Variants in DENND1A observed in about 807,000 individuals in gnomAD.
DENND1A encodes DENN domain-containing protein 1A.
In DENND1A, 51 loss-of-function variants were observed where a neutral mutation model predicts 113.7. That is an observed-to-expected ratio of 0.45 (90% CI 0.36 to 0.57). The LOEUF is 0.57. DENND1A is among the 20% of genes least tolerant of loss of function. The probability of loss-of-function intolerance (pLI) is 0.00; values close to 1 mark genes in which losing one functional copy is unlikely to be tolerated. For missense variants in DENND1A, 1,258 were observed against 1,395.9 expected, an observed-to-expected ratio of 0.90 and a Z score of 1.57; for synonymous variants, 565 against 570.8, an observed-to-expected ratio of 0.99 and a Z score of 0.14.
At chr9:123,666,439 A>G (rs2063496011) in intron 8 of DENND1A, among the ~76,000 whole-genome samples, 1 of 152,204 alleles carries the variant, frequency 6.6e-6, no homozygotes, top group African/African-American at 2.4e-5. Flanking sequence ...GGAGGCCCTC[A>G]TGCTTCACCC....
chr9:123,630,493 C>T lies in DENND1A; in HGVS notation c.619-17G>A. ...GGCAGTCAGCTGGAACAGAGCAAAG[C>T]AGAGATCAATGAACAAATCCAAGGG... On this transcript the variant is annotated splice_polypyrimidine_tract_variant and intron_variant, in intron 9 of 23. Coordinates refer to ENST00000394215, the MANE Select transcript of DENND1A (RefSeq NM_001352964.2). 1.3e-6 allele frequency: 2 copies of T among 1,527,660 alleles called. No homozygotes were observed. Among genetic ancestry groups the T allele is most frequent in the African/African-American group, 1.4e-5 (1 of 73,130 alleles). The allele number at this position is 1,527,660 out of a possible 1,614,324, so 94.6% of individuals were successfully genotyped here. A position where few individuals can be genotyped will look rare whatever the true frequency, so the allele number is the denominator to read the frequency against.
At chr9:123,602,644 G>A (rs1450012742) in intron 11 of DENND1A, among the ~76,000 whole-genome samples, 1 of 152,194 alleles carries the variant, frequency 6.6e-6, no homozygotes, top group Non-Finnish European at 1.5e-5. Context: ...ACTATCAGGT[G>A]AGATTTTTCA....
chr9:123,465,308 ATTTTTTTT>A (rs60428558), intron 13 of DENND1A, among the ~76,000 whole-genome samples: 101 of 80,094 alleles, frequency 1.3e-3, no homozygotes, highest in Middle Eastern at 5.3e-3. Context: ...TTTGTCTTTG[ATTTTTTTT>A]TTTTTTTTTT....
At chr9:123,904,164 G>C (rs1418604203) in intron 1 of DENND1A, among the ~76,000 whole-genome samples, 3 of 152,290 alleles carry the variant, frequency 2.0e-5, no homozygotes, top group South Asian at 2.1e-4. Flanking sequence ...TGAGGGTCCT[G>C]TCTGTTAGAA....
intron 2 of DENND1A, among the ~76,000 whole-genome samples, chr9:123,845,749 T>TAAACAAAC (rs200824974): frequency 8.4e-6 from 1 of 118,644 alleles, no homozygotes; most frequent in Non-Finnish European, 1.9e-5. Context: ...TAAAACCTAA[T>TAAACAAAC]AAACAAACAA....
At chr9:123,516,450 T>C (rs112370153) in intron 13 of DENND1A, among the ~76,000 whole-genome samples, 42 of 152,218 alleles carry the variant, frequency 2.8e-4, no homozygotes, top group Non-Finnish European at 5.7e-4. Context: ...CAAATAAACA[T>C]GAATAACAGT....
chr9:123,536,868 G>A (rs2055823129), intron 13 of DENND1A, among the ~76,000 whole-genome samples: 1 of 152,124 alleles, frequency 6.6e-6, no homozygotes, highest in Non-Finnish European at 1.5e-5. Flanking sequence ...AACAACAGAA[G>A]AGCTGTTAAC....
intron 13 of DENND1A, among the ~76,000 whole-genome samples, chr9:123,544,313 T>C (rs1013146946): frequency 2.6e-5 from 4 of 152,212 alleles, no homozygotes; most frequent in South Asian, 2.1e-4. Flanking sequence ...AAATTATCTA[T>C]TAAAGGAATG....
At chr9:123,754,703 C>A (rs1296297603) in intron 5 of DENND1A, among the ~76,000 whole-genome samples, 1 of 152,198 alleles carries the variant, frequency 6.6e-6, no homozygotes, top group East Asian at 1.9e-4. Context: ...CCGAATTTTT[C>A]TCCATAGTTC....
chr9:123,384,396 G>C (rs1052953070), intron 22 of DENND1A, among the ~76,000 whole-genome samples: 3 of 152,354 alleles, frequency 2.0e-5, no homozygotes, highest in Non-Finnish European at 4.4e-5. Flanking sequence ...CAGGGGAGCT[G>C]TCTGGGCCTA....
rs1285963938 is a variant in DENND1A, at chr9:123,381,494, C to G, written c.3151G>C (p.Ala1051Pro). Residue 1051 changes from alanine to proline, a missense_variant, in exon 24 of 24, where the codon GCC (alanine) becomes CCC (proline). This residue lies in a region of DENND1A where 1,159 missense variants were observed against 1,231.7 expected (regional missense o/e 0.94). Transcript: ENST00000394215. The surrounding 1 kb of genome is among the most constrained non-coding windows in gnomAD (Gnocchi z 4.7). ...ACCGAGTCTGGGGCCGGGGCCAGGG[C>G]CGGACTCGGGCTCACGTCTTGCTTG... ...KTKQDVSPSPALAPAPDSVEQ... is the reference protein window; with the variant it reads ...KTKQDVSPSPPLAPAPDSVEQ... The G allele has an allele frequency of 6.2e-7, 1 of 1,613,564 alleles. No individual in the cohort carries two copies. Among genetic ancestry groups the G allele is most frequent in the African/African-American group, 1.3e-5 (1 of 75,006 alleles).
rs1159142136 is a variant in DENND1A, at chr9:123,682,578, CA to C, written c.303-5790del. Reference sequence around the variant, plus strand: ...CCTATTAAAACAAAACAGAACAAAACAAAAAAACCTCCTCCCCAATGTTAAA... The same window carrying C: ...CCTATTAAAACAAAACAGAACAAAACAAAAAACCTCCTCCCCAATGTTAAA... On this transcript the variant is annotated intron_variant, in intron 5 of 23. Transcript: ENST00000394215. 4.6e-5 allele frequency among the ~76,000 whole-genome samples: 7 copies of C among 152,130 alleles called. No homozygotes were observed. In the East Asian group the frequency reaches 1.4e-3, roughly 29 times the overall value.
intron 5 of DENND1A, among the ~76,000 whole-genome samples, chr9:123,693,159 G>C (rs899954687): frequency 1.3e-5 from 2 of 151,988 alleles, no homozygotes; most frequent in African/African-American, 4.8e-5. Flanking sequence ...ACCACCACCC[G>C]CAATGAATCC....
intron 5 of DENND1A, among the ~76,000 whole-genome samples, chr9:123,755,010 AC>A (rs977751639): frequency 1.3e-5 from 2 of 152,050 alleles, no homozygotes; most frequent in Admixed American, 1.3e-4. Flanking sequence ...ATAGAGAAAA[AC>A]CTTTTTGCAA....
intron 5 of DENND1A, among the ~76,000 whole-genome samples, chr9:123,748,827 G>A (rs1397912253): frequency 6.6e-6 from 1 of 152,168 alleles, no homozygotes; most frequent in Admixed American, 6.5e-5. Context: ...CCTGTAGAAT[G>A]CTTTTTCATC....
rs2052656419 is a variant in DENND1A, at chr9:123,503,401, T to C, written c.994-45504A>G. Among the ~76,000 whole-genome samples, 3 of 152,306 alleles carry C rather than the reference T, an allele frequency of 2.0e-5. No homozygotes were observed. In the South Asian group the frequency reaches 6.2e-4, roughly 32 times the overall value. On this transcript the variant is annotated intron_variant, in intron 13 of 23. Transcript: ENST00000394215. ...CTCAACAAATGGCTTCAAAGAGCCA[T>C]GGAAATCTTTAACATCAGTCTTCAT...
At chr9:123,540,910 G>GT (rs1286948591) in intron 13 of DENND1A, among the ~76,000 whole-genome samples, 6 of 152,162 alleles carry the variant, frequency 3.9e-5, no homozygotes, top group Non-Finnish European at 7.4e-5. Context: ...TGGAAAAACC[G>GT]TGAGTTCTAG....
At chr9:123,434,981 T>C (rs1369466548) in intron 19 of DENND1A, among the ~76,000 whole-genome samples, 1 of 151,112 alleles carries the variant, frequency 6.6e-6, no homozygotes. Context: ...GAGGATGAAG[T>C]AGTGTTCAGG....
intron 8 of DENND1A, among the ~76,000 whole-genome samples, chr9:123,652,627 T>C (rs2139431117): frequency 6.6e-6 from 1 of 152,322 alleles, no homozygotes; most frequent in South Asian, 2.1e-4. Context: ...GTGCAGGAGA[T>C]GCCACCCACG....
Sources: gnomAD v4.1 joint callset for allele counts (sites outside exome capture counted in the v4.1 genomes callset) on GRCh38, gnomAD v4.1.1 for gene constraint, gnomAD v4.1.1 regional missense constraint, Gnocchi (gnomAD v3.1) non-coding constraint, MANE v1.5 for transcripts, NCBI Gene and HGNC (gene_info 2026-07-23, HGNC 2026-07-21) for gene names.